SLC29A4: variants seen among roughly 807,000 people sequenced by gnomAD.
SLC29A4 encodes the protein equilibrative nucleoside transporter 4.
In SLC29A4, 36 loss-of-function variants were observed where a neutral mutation model predicts 43.9. The ratio of observed to expected loss-of-function variants is 0.82; its 90% CI spans 0.63 to 1.08. The LOEUF is 1.08. Ranked by LOEUF, SLC29A4 falls within the 50% of genes least tolerant of loss-of-function variation. SLC29A4 has a pLI of 0.00. For missense variants in SLC29A4, 869 were observed against 755.3 expected (o/e 1.15, Z -1.77); for synonymous variants, 491 against 338.0 (o/e 1.45, Z -4.97).
chr7:5,298,955 C>G (rs1419851344), intron 7 of SLC29A4, 33 bp from the exon 8 acceptor site: 15 of 1,598,548 alleles, frequency 9.4e-6, no homozygotes, highest in Middle Eastern at 2.2e-4. Context: ...CTCCCTTCCA[C>G]TCCAACCCCA....
chr7:5,287,312 G>C (rs4436027), intron 1 of SLC29A4, among the ~76,000 whole-genome samples: 2 of 151,794 alleles, frequency 1.3e-5, no homozygotes, highest in Non-Finnish European at 2.9e-5. Flanking sequence ...CAGCTACTTG[G>C]GAGGCTGAAT....
At position 5,290,797 on chromosome 7, in the gene SLC29A4, G is replaced by A. The variant is rs766942899; in HGVS notation, c.235G>A (p.Val79Met). Reference protein sequence around the residue: ...AIYFAMLLAGVGFLLPYNSFI... With the variant: ...AIYFAMLLAGMGFLLPYNSFI... ...CTACTTTGCGATGCTGCTGGCTGGC[G>A]TGGGCTTCCTGCTGCCATACAACAG... Residue 79 changes from valine (V) to methionine (M), a missense_variant, in exon 3 of 11, where the codon GTG (valine) becomes ATG (methionine). By Grantham distance (21) the Val-to-Met change is conservative. Transcript: ENST00000396872. 17 of 1,613,918 alleles carry A rather than the reference G, an allele frequency of 1.1e-5. No individual in the cohort carries two copies. Among genetic ancestry groups the A allele is most frequent in the Non-Finnish European group, 1.4e-5 (17 of 1,179,980 alleles).
At chr7:5,292,702 T>TC (rs1347323192) in intron 5 of SLC29A4, among the ~76,000 whole-genome samples, 1 of 122,522 alleles carries the variant, frequency 8.2e-6, no homozygotes, top group Non-Finnish European at 1.7e-5. Flanking sequence ...TTTTTTTTTT[T>TC]TTTTTTTTTT....
chr7:5,299,866 A>G (rs535834179), intron 9 of SLC29A4, among the ~76,000 whole-genome samples: 1 of 152,366 alleles, frequency 6.6e-6, no homozygotes, highest in South Asian at 2.1e-4. Flanking sequence ...AACCTTGCCA[A>G]CATGGTGAAA....
At chr7:5,296,592 G>A (rs1245414766) in intron 6 of SLC29A4, among the ~76,000 whole-genome samples, 1 of 106,314 alleles carries the variant, frequency 9.4e-6, no homozygotes, top group African/African-American at 3.7e-5. Flanking sequence ...CTGAGTCGGG[G>A]GGTGGGGTGG....
Position 5,291,814 on chromosome 7 carries a change from C to G in SLC29A4, c.537C>G (p.Gly179=), listed in dbSNP as rs540084841. 2 of 1,611,554 alleles carry G rather than the reference C, an allele frequency of 1.2e-6. No homozygotes were observed. Among genetic ancestry groups the G allele is most frequent in the Non-Finnish European group, 1.7e-6 (2 of 1,179,668 alleles). ...NLAAVGTVAF[G]CTVQQSSFYG... ...CCGCTGTGGGCACCGTGGCCTTCGG[C>G]TGCACAGGTAGGAACCGGGGCCCAA... The change falls in exon 5 of 11, where the codon GGC becomes GGG. Residue 179 remains glycine (G), a synonymous_variant. Coordinates refer to ENST00000396872, the MANE Select transcript of SLC29A4 (RefSeq NM_153247.4).
intron 4 of SLC29A4, 53 bp downstream of exon 4, chr7:5,291,290 G>A (rs1267184423): frequency 3.6e-5 from 55 of 1,528,678 alleles, no homozygotes; most frequent in Non-Finnish European, 4.9e-5. Flanking sequence ...CCACCTGCCT[G>A]GCCGGTCACC....
chr7:5,291,992 G>A (rs1359468199), intron 5 of SLC29A4, among the ~76,000 whole-genome samples, 171 bp downstream of exon 5: 4 of 152,250 alleles, frequency 2.6e-5, no homozygotes, highest in Admixed American at 2.6e-4. Context: ...ACCCACAGGA[G>A]CCTGTGTAGT....
In SLC29A4 at chr7:5,290,731, G is replaced by T. The variant is rs1785250249; in HGVS notation, c.170-1G>T. 1 of 1,607,906 alleles carries T rather than the reference G, an allele frequency of 6.2e-7. No individual in the cohort carries two copies. Among genetic ancestry groups the T allele is most frequent in the South Asian group, 1.1e-5 (1 of 90,530 alleles). ...GTCTCACCTGGTGTCTCTGGCTTTA[G>T]CATTGGACGAGCCAGTGCCCGATGA... On this transcript the variant is annotated splice_acceptor_variant, in intron 2 of 10. Transcript: ENST00000396872. LOFTEE classifies it high-confidence loss of function.
chr7:5,291,875 C>G, intron 5 of SLC29A4, 54 bp downstream of exon 5: 2 of 1,566,100 alleles, frequency 1.3e-6, no homozygotes, highest in South Asian at 2.3e-5. Context: ...CGACCCCATC[C>G]CACCCCAGCC....
Position 5,301,294 on chromosome 7 carries a change from A to C in SLC29A4, c.1450+632A>C, listed in dbSNP as rs369642663. Reference sequence around the variant, plus strand: ...AAAAAAAAAATCCCAGATCGGCGTGACTGGTTGAATGGCAGTAAGTCCTAT... The same window carrying C: ...AAAAAAAAAATCCCAGATCGGCGTGCCTGGTTGAATGGCAGTAAGTCCTAT... On this transcript the variant is annotated intron_variant, in intron 10 of 10. Coordinates refer to ENST00000396872, the MANE Select transcript of SLC29A4 (RefSeq NM_153247.4). Among the ~76,000 whole-genome samples the C allele has an allele frequency of 3.2e-3, 477 of 150,210 alleles. 2 individuals are homozygous for C. The highest frequency in any genetic ancestry group is 5.9e-3 in the South Asian group (28 of 4,746).
intron 2 of SLC29A4, 45 bp from the exon 3 acceptor site, chr7:5,290,687 C>G (rs765209670): frequency 6.3e-7 from 1 of 1,574,944 alleles, no homozygotes; most frequent in Non-Finnish European, 8.7e-7. Flanking sequence ...TGACTGTAGC[C>G]ATGCGTGGAG....
chr7:5,295,459 C>G (rs1785589025), intron 6 of SLC29A4, among the ~76,000 whole-genome samples: 1 of 152,186 alleles, frequency 6.6e-6, no homozygotes, highest in African/African-American at 2.4e-5. Context: ...AATGGCACCC[C>G]TTTGCTCACG....
At chr7:5,301,262 G>GAAA (rs11427507) in intron 10 of SLC29A4, among the ~76,000 whole-genome samples, 1 of 115,768 alleles carries the variant, frequency 8.6e-6, no homozygotes. Flanking sequence ...CCTGTCTGGG[G>GAAA]AAAAAAAAAA....
intron 5 of SLC29A4, among the ~76,000 whole-genome samples, chr7:5,293,552 G>A (rs1319820679): frequency 2.6e-5 from 4 of 152,230 alleles, no homozygotes; most frequent in Admixed American, 6.6e-5. Context: ...CTGTAAACAC[G>A]TGTGTGTATT....
At position 5,306,236 on chromosome 7, in the gene SLC29A4, C is replaced by G. The variant is rs1786486621; in HGVS notation, c.*3297C>G. On this transcript the variant is annotated 3_prime_UTR_variant, in exon 11 of 11. Coordinates refer to ENST00000396872, the MANE Select transcript of SLC29A4 (RefSeq NM_153247.4). ...TTTTTTGAGACAATCTCTGTCACCC[C>G]CAGGCCAGAGTGCAGTGGTGCGATC... The G allele has an allele frequency of 7.0e-6, 1 of 141,932 alleles. No individual in the cohort carries two copies. The allele number at this position is 141,932 out of a possible 1,614,324, so 8.8% of individuals were successfully genotyped here. A position where few individuals can be genotyped will look rare whatever the true frequency, so the allele number is the denominator to read the frequency against.
intron 1 of SLC29A4, among the ~76,000 whole-genome samples, chr7:5,283,763 G>A (rs575574054): frequency 6.6e-6 from 1 of 152,324 alleles, no homozygotes; most frequent in East Asian, 1.9e-4. Context: ...CCCGGTTAAC[G>A]GGGACCAGGG....
intron 1 of SLC29A4, among the ~76,000 whole-genome samples, chr7:5,287,537 G>T (rs1389243676): frequency 1.3e-5 from 2 of 152,186 alleles, no homozygotes; most frequent in African/African-American, 4.8e-5. Flanking sequence ...CGGCCGCATG[G>T]CATCAATGTG....
At chr7:5,297,938 G>A (rs1785831213) in intron 7 of SLC29A4, among the ~76,000 whole-genome samples, 2 of 152,160 alleles carry the variant, frequency 1.3e-5, no homozygotes, top group Admixed American at 1.3e-4. Context: ...TGGGCAGGCA[G>A]ACGTCCTTGG....
Sources: allele counts gnomAD v4.1 joint callset (sites outside exome capture counted in the v4.1 genomes callset), GRCh38; gene constraint gnomAD v4.1.1; transcripts MANE v1.5; gene names NCBI Gene and HGNC (gene_info 2026-07-23, HGNC 2026-07-21).